Variants in PITPNM2 observed in about 807,000 individuals in gnomAD.
PITPNM2 encodes membrane-associated phosphatidylinositol transfer protein 2.
Under a neutral mutation model 132.2 loss-of-function variants are expected in PITPNM2, and 35 were observed. The observed-to-expected ratio is 0.26, with a 90% CI of 0.20 to 0.35. The LOEUF is 0.35. Ranked by LOEUF, PITPNM2 falls within the 10% of genes least tolerant of loss-of-function variation. The pLI, the probability that PITPNM2 is intolerant of heterozygous loss-of-function variation, is 1.00. For missense variants in PITPNM2, 1,332 were observed against 1,912.0 expected (o/e 0.70, Z 5.66); for synonymous variants, 738 against 799.2 (o/e 0.92, Z 1.29).
intron 3 of PITPNM2, among the ~76,000 whole-genome samples, chr12:123,018,929 G>T (rs1012421445): frequency 6.6e-6 from 1 of 151,678 alleles, no homozygotes; most frequent in Non-Finnish European, 1.5e-5. Context: ...GATTACAGGC[G>T]TGTGCCACCA....
intron 2 of PITPNM2, among the ~76,000 whole-genome samples, chr12:123,070,812 A>G (rs2136903174): frequency 6.6e-6 from 1 of 152,336 alleles, no homozygotes. Context: ...GGCAGCCCTA[A>G]GGGCCCCACA....
At chr12:123,046,979 A>G (rs1016806965) in intron 2 of PITPNM2, among the ~76,000 whole-genome samples, 6 of 152,206 alleles carry the variant, frequency 3.9e-5, no homozygotes, top group Non-Finnish European at 7.3e-5. Context: ...TTATATACAT[A>G]TGCACCCCTA....
intron 1 of PITPNM2, among the ~76,000 whole-genome samples, chr12:123,122,452 G>C (rs1201430836): frequency 3.3e-5 from 5 of 151,980 alleles, no homozygotes; most frequent in African/African-American, 1.2e-4. Flanking sequence ...ACAGAACAAG[G>C]CTCCGTCTCC....
rs1048443952 is a variant in PITPNM2, at chr12:123,009,515, C to T, written c.643+335G>A. Among the ~76,000 whole-genome samples the T allele has an allele frequency of 1.3e-5, 2 of 152,220 alleles. No individual in the cohort carries two copies. The highest frequency in any genetic ancestry group is 6.8e-3 in the Middle Eastern group (2 of 294). On this transcript the variant is annotated intron_variant, in intron 6 of 25. Transcript: ENST00000320201. This position sits in a 1 kb window ranked among gnomAD's most constrained non-coding sequence, Gnocchi z 4.8. ...AGATGAGCAGCAGGGAACCTGTCCC[C>T]AGGGGCTACTCAGACCTGTGGAGTG...
intron 2 of PITPNM2, among the ~76,000 whole-genome samples, chr12:123,035,999 C>G (rs2040255785): frequency 6.6e-6 from 1 of 152,152 alleles, no homozygotes; most frequent in Non-Finnish European, 1.5e-5. Flanking sequence ...GCTGGGACTA[C>G]AGATGCACGC....
chr12:123,073,579 A>C (rs1592992691), intron 2 of PITPNM2, among the ~76,000 whole-genome samples: 1 of 152,144 alleles, frequency 6.6e-6, no homozygotes, highest in African/African-American at 2.4e-5. Context: ...TGCTCCTACT[A>C]CCCTGAGCCA....
At chr12:123,067,994 C>T (rs1316932868) in intron 2 of PITPNM2, among the ~76,000 whole-genome samples, 4 of 152,166 alleles carry the variant, frequency 2.6e-5, no homozygotes, top group African/African-American at 7.2e-5. Context: ...GAGGAGCCAA[C>T]GGTGAGAAAC....
At position 122,989,885 on chromosome 12, in the gene PITPNM2, G is replaced by GTGGGGGGGGGGGGGC; in HGVS notation, c.2632_2633insGCCCCCCCCCCCCCA (p.Ala878delinsGlyProProProProThr). 9.3e-7 allele frequency: 1 copy of GTGGGGGGGGGGGGGC among 1,077,350 alleles called. No individual in the cohort carries two copies. The highest frequency in any genetic ancestry group is 1.2e-6 in the Non-Finnish European group (1 of 807,246). The allele number at this position is 1,077,350 out of a possible 1,614,324, so 66.7% of individuals were successfully genotyped here. ...GGGGCCAGGGGTGGTGGGGCTGGGG[G>GTGGGGGGGGGGGGGC]CGGGCAGGGCGAGCAGGGACAGACG... On this transcript the variant is annotated protein_altering_variant, in exon 18 of 26. Transcript: ENST00000320201.
intron 2 of PITPNM2, among the ~76,000 whole-genome samples, chr12:123,085,825 C>T (rs1269842018): frequency 6.6e-6 from 1 of 152,214 alleles, no homozygotes; most frequent in African/African-American, 2.4e-5. Context: ...TAAAGCACAG[C>T]GCAGAGGCTC....
chr12:123,098,390 G>A (rs1180401640), intron 2 of PITPNM2, among the ~76,000 whole-genome samples: 2 of 152,126 alleles, frequency 1.3e-5, no homozygotes, highest in Non-Finnish European at 2.9e-5. Flanking sequence ...CCTATCATAG[G>A]AGGGCAGCAG....
At chr12:122,986,975 G>A (rs777689828) in intron 23 of PITPNM2, 146 bp from the exon 24 acceptor site, 41 of 1,163,088 alleles carry the variant, frequency 3.5e-5, no homozygotes, top group Non-Finnish European at 4.5e-5. Context: ...TGACAATGAC[G>A]TGCTGCAGCA....
chr12:123,096,793 A>G (rs2042421507), intron 2 of PITPNM2, among the ~76,000 whole-genome samples: 1 of 152,252 alleles, frequency 6.6e-6, no homozygotes, highest in East Asian at 1.9e-4. Flanking sequence ...GAAAAAAGAC[A>G]CAGGAAGGTG....
chr12:123,007,226 T>A (rs768905154), intron 6 of PITPNM2, among the ~76,000 whole-genome samples: 1 of 152,210 alleles, frequency 6.6e-6, no homozygotes, highest in Non-Finnish European at 1.5e-5. Flanking sequence ...GTTTTGTCCA[T>A]GGATGCACGC....
intron 3 of PITPNM2, among the ~76,000 whole-genome samples, chr12:123,030,585 C>T (rs564780992): frequency 3.3e-5 from 5 of 151,464 alleles, no homozygotes; most frequent in African/African-American, 9.7e-5. Flanking sequence ...CCCAGCTACT[C>T]GGGAGGCTGA....
chr12:123,046,690 A>C (rs904680496), intron 2 of PITPNM2, among the ~76,000 whole-genome samples: 1 of 152,202 alleles, frequency 6.6e-6, no homozygotes, highest in Admixed American at 6.5e-5. Context: ...GGAGTCATAC[A>C]ATATGTGCTT....
chr12:123,124,079 C>A (rs982865975), intron 1 of PITPNM2, among the ~76,000 whole-genome samples: 1 of 151,858 alleles, frequency 6.6e-6, no homozygotes, highest in Non-Finnish European at 1.5e-5. Context: ...CACGGTGAAA[C>A]CCTATCTCTA....
At chr12:123,019,701 A>G (rs2039592628) in intron 3 of PITPNM2, among the ~76,000 whole-genome samples, 1 of 152,238 alleles carries the variant, frequency 6.6e-6, no homozygotes, top group Non-Finnish European at 1.5e-5. Flanking sequence ...CCTCACCCAG[A>G]GGAGTTCACA....
chr12:123,032,611 C>T (rs2040132963), intron 3 of PITPNM2, among the ~76,000 whole-genome samples: 1 of 152,142 alleles, frequency 6.6e-6, no homozygotes, highest in African/African-American at 2.4e-5. Context: ...CCGATCTTGA[C>T]AGCCACCGGG....
At chr12:123,024,641 ATAT>A (rs1451612567) in intron 3 of PITPNM2, among the ~76,000 whole-genome samples, 2 of 152,206 alleles carry the variant, frequency 1.3e-5, no homozygotes, top group African/African-American at 4.8e-5. Context: ...AACCCTGGAA[ATAT>A]TATGCTGAGT....
Sources: allele counts gnomAD v4.1 joint callset (sites outside exome capture counted in the v4.1 genomes callset), GRCh38; gene constraint gnomAD v4.1.1; non-coding constraint Gnocchi (gnomAD v3.1); transcripts MANE v1.5; gene names NCBI Gene and HGNC (gene_info 2026-07-23, HGNC 2026-07-21).